The following KCNAB2 variants were observed in gnomAD, a reference collection of about 807,000 sequenced individuals.
KCNAB2 encodes the protein potassium voltage-gated channel subfamily A regulatory beta subunit 2.
A neutral mutation model predicts 63.6 loss-of-function variants in KCNAB2; 29 were observed. That is an observed-to-expected ratio of 0.46 (90% CI 0.34 to 0.62). The LOEUF is 0.62. Among genes scored for constraint, KCNAB2 ranks in the 20% least tolerant of loss-of-function variants. The pLI is 0.01. For synonymous variants in KCNAB2, 222 were observed against 224.2 expected (o/e 0.99, Z 0.09); for missense variants, 359 against 563.9 (o/e 0.64, Z 3.68).
chr1:6,076,998 A>G (rs1035042558), intron 4 of KCNAB2, among the ~76,000 whole-genome samples: 2 of 152,158 alleles, frequency 1.3e-5, no homozygotes, highest in Admixed American at 1.3e-4. Flanking sequence ...AGCCTGGCCA[A>G]TATGGTGAAA....
intron 2 of KCNAB2, 87 bp from the exon 3 acceptor site, chr1:6,072,668 G>A (rs751692456): frequency 7.1e-7 from 1 of 1,402,352 alleles, no homozygotes; most frequent in Non-Finnish European, 1.0e-6. Flanking sequence ...TGGGGGAGTG[G>A]GTGGGGGGCT....
chr1:6,039,857 A>G (rs1660352874), intron 1 of KCNAB2, among the ~76,000 whole-genome samples: 1 of 152,192 alleles, frequency 6.6e-6, no homozygotes, highest in African/African-American at 2.4e-5. Flanking sequence ...GCTTCATCAG[A>G]GCCAGGAGGG....
rs372503571 is a variant in KCNAB2, at chr1:6,095,492, G to C, written c.854-38G>C. 16 of 1,427,106 alleles carry C rather than the reference G, an allele frequency of 1.1e-5. No individual in the cohort carries two copies. In the South Asian group the frequency reaches 1.4e-4, roughly 12 times the overall value. The allele number at this position is 1,427,106 out of a possible 1,614,324, so 88.4% of individuals were successfully genotyped here. On this transcript the variant is annotated intron_variant, in intron 12 of 15. Coordinates refer to ENST00000378083, the MANE Select transcript of KCNAB2 (RefSeq NM_001199862.2). ...CCCGCCCCACCCCACCCCTGCTCTCGGGCCCAGGGCTTGACTCCACCTGCT... is the reference window on the plus strand; with the variant it reads ...CCCGCCCCACCCCACCCCTGCTCTCCGGCCCAGGGCTTGACTCCACCTGCT...
Position 6,087,315 on chromosome 1 carries a change from T to G in KCNAB2, c.426-152T>G. ...ACCCCGGCTGGGCACGTGGTACACA[T>G]CATATGATGGAGAAGTGCCCATTTC... On this transcript the variant is annotated intron_variant, in intron 6 of 15. Transcript: ENST00000378083. The surrounding 1 kb of genome is among the most constrained non-coding windows in gnomAD (Gnocchi z 6.4). 3.6e-6 allele frequency: 3 copies of G among 822,338 alleles called. No individual in the cohort carries two copies. Among genetic ancestry groups the G allele is most frequent in the Non-Finnish European group, 6.2e-6 (3 of 480,678 alleles). The allele number at this position is 822,338 out of a possible 1,614,324, so 50.9% of individuals were successfully genotyped here. A position where few individuals can be genotyped will look rare whatever the true frequency, so the allele number is the denominator to read the frequency against.
intron 1 of KCNAB2, among the ~76,000 whole-genome samples, chr1:6,013,458 C>T (rs1280672070): frequency 6.6e-6 from 1 of 152,156 alleles, no homozygotes; most frequent in Non-Finnish European, 1.5e-5. Flanking sequence ...GAAACAACCA[C>T]GCAATCCAGG....
Position 6,046,041 on chromosome 1 carries a change from A to T in KCNAB2, c.-169A>T. ...TCAAAACTCGACTCTGGTGGGACTC[A>T]TCTCATTCACCAATTGCTTCTGACG... On this transcript the variant is annotated 5_prime_UTR_variant, in exon 1 of 16. Transcript: ENST00000378083. The T allele has an allele frequency of 1.0e-6, 1 of 985,492 alleles. No homozygotes were observed. Among genetic ancestry groups the T allele is most frequent in the Non-Finnish European group, 1.2e-6 (1 of 829,944 alleles). The allele number at this position is 985,492 out of a possible 1,614,324, so 61.0% of individuals were successfully genotyped here.
Position 6,087,603 on chromosome 1 carries a change from G to A in KCNAB2, c.470+92G>A. 1 of 1,361,244 alleles carries A rather than the reference G, an allele frequency of 7.3e-7. No individual in the cohort carries two copies. Among genetic ancestry groups the A allele is most frequent in the South Asian group, 1.2e-5 (1 of 85,628 alleles). 84.3% of individuals were successfully genotyped at this position (1,361,244 alleles called of 1,614,324 possible). A position where few individuals can be genotyped will look rare whatever the true frequency, so the allele number is the denominator to read the frequency against. On this transcript the variant is annotated intron_variant, in intron 7 of 15. Transcript: ENST00000378083. The surrounding 1 kb of genome is among the most constrained non-coding windows in gnomAD (Gnocchi z 6.4). ...ACCCCTGACCTAGAAGGCTCCTGGG[G>A]TGGCGGGAGGACAGTCCTCCTTGAG...
At chr1:6,019,565 T>C (rs1658701379) in intron 1 of KCNAB2, among the ~76,000 whole-genome samples, 1 of 152,166 alleles carries the variant, frequency 6.6e-6, no homozygotes, top group Non-Finnish European at 1.5e-5. Context: ...TGATGGCTAA[T>C]TAAGGCTCTG....
At chr1:6,041,969 TC>T (rs1660536034), upstream of KCNAB2, 1 of 1,132,260 alleles carries the variant, frequency 8.8e-7, no homozygotes, top group African/African-American at 1.5e-5. Flanking sequence ...GCTGGTGTAT[TC>T]TCTGAAGCCA....
chr1:6,043,112 T>A (rs1484468701), upstream of KCNAB2, among the ~76,000 whole-genome samples: 1 of 152,160 alleles, frequency 6.6e-6, no homozygotes, highest in Non-Finnish European at 1.5e-5. Context: ...TAACAGATCC[T>A]AACAAACATA....
intron 10 of KCNAB2, among the ~76,000 whole-genome samples, chr1:6,093,848 G>T (rs897334062): frequency 6.6e-6 from 1 of 152,180 alleles, no homozygotes; most frequent in African/African-American, 2.4e-5. Flanking sequence ...CCTATTCTCC[G>T]GGACCATATG....
chr1:6,001,262 T>C (rs1249912970), intron 1 of KCNAB2, among the ~76,000 whole-genome samples: 2 of 151,500 alleles, frequency 1.3e-5, no homozygotes, highest in South Asian at 2.1e-4. Context: ...TTGGTGCTCT[T>C]GGAGCCCTGA....
intron 2 of KCNAB2, among the ~76,000 whole-genome samples, chr1:6,059,020 G>C (rs1291119765): frequency 4.6e-5 from 7 of 152,118 alleles, no homozygotes; most frequent in South Asian, 4.2e-4. Context: ...TAAAGGGACA[G>C]AACAGCCCTT....
In KCNAB2 at chr1:6,069,431, G is replaced by T. The variant is rs952877559; in HGVS notation, c.219-3324G>T. 1.3e-5 allele frequency among the ~76,000 whole-genome samples: 2 copies of T among 152,156 alleles called. No homozygotes were observed. The highest frequency in any genetic ancestry group is 4.8e-5 in the African/African-American group (2 of 41,436). On this transcript the variant is annotated intron_variant, in intron 2 of 15. Coordinates refer to ENST00000378083, the MANE Select transcript of KCNAB2 (RefSeq NM_001199862.2). This position sits in a 1 kb window ranked among gnomAD's most constrained non-coding sequence, Gnocchi z 5.4. ...GGTGTGCAGCAGCCGGGGGCTCCAC[G>T]ATGGGCATCAGTGCTCCCCTCCGGC...
At chr1:6,079,452 A>G (rs112624832) in intron 4 of KCNAB2, among the ~76,000 whole-genome samples, 7,643 of 152,114 alleles carry the variant, frequency 0.05, 626 homozygotes, top group African/African-American at 0.17. Context: ...CCAGGAGGCA[A>G]AGGTTGCAGC....
At chr1:6,094,368 C>A in intron 10 of KCNAB2, 32 bp from the exon 11 acceptor site, 1 of 1,574,018 alleles carries the variant, frequency 6.4e-7, no homozygotes, top group Non-Finnish European at 8.7e-7. Flanking sequence ...CTGGCTGCCC[C>A]CCACCTGCGG....
Position 6,051,524 on chromosome 1 carries a change from G to A in KCNAB2, c.-13G>A, listed in dbSNP as rs1661380310. On this transcript the variant is annotated 5_prime_UTR_variant, in exon 2 of 16. Coordinates refer to ENST00000378083, the MANE Select transcript of KCNAB2 (RefSeq NM_001199862.2). The stretch of plus-strand genomic sequence containing the variant: ...CCGTCTGGACAGTGGCAGCTCCCAA[G>A]CCAGGCGGCACCATGCTGTCCATGA... 1 of 1,507,050 alleles carries A rather than the reference G, an allele frequency of 6.6e-7. No homozygotes were observed. The highest frequency in any genetic ancestry group is 8.9e-7 in the Non-Finnish European group (1 of 1,126,484). 93.4% of individuals were successfully genotyped at this position (1,507,050 alleles called of 1,614,324 possible). A position where few individuals can be genotyped will look rare whatever the true frequency, so the allele number is the denominator to read the frequency against.
upstream of KCNAB2, among the ~76,000 whole-genome samples, chr1:6,043,349 G>T (rs1387663427): frequency 1.3e-5 from 2 of 152,128 alleles, no homozygotes; most frequent in East Asian, 1.9e-4. Flanking sequence ...ATTATCCAGT[G>T]ACCAAGTGAG....
chr1:6,056,513 G>A (rs999715863), intron 2 of KCNAB2, among the ~76,000 whole-genome samples: 2 of 152,208 alleles, frequency 1.3e-5, no homozygotes, highest in Admixed American at 6.5e-5. Flanking sequence ...CAGAGATGTG[G>A]CCTCAGAATG....
Sources: allele counts gnomAD v4.1 joint callset (sites outside exome capture counted in the v4.1 genomes callset), GRCh38; gene constraint gnomAD v4.1.1; non-coding constraint Gnocchi (gnomAD v3.1); transcripts MANE v1.5; gene names NCBI Gene and HGNC (gene_info 2026-07-23, HGNC 2026-07-21).